The following TECRL variants were observed in gnomAD, a reference collection of about 807,000 sequenced individuals.
TECRL encodes trans-2,3-enoyl-CoA reductase like.
In TECRL, 63 loss-of-function variants were observed where a neutral mutation model predicts 52.8. The ratio of observed to expected loss-of-function variants is 1.19; its 90% CI spans 0.97 to 1.47. TECRL has a LOEUF of 1.47. Among genes scored for constraint, TECRL ranks in the 40% most tolerant of loss-of-function variants. The pLI, the probability that TECRL is intolerant of heterozygous loss-of-function variation, is 0.00. For missense variants in TECRL, 482 were observed against 429.6 expected (o/e 1.12, Z -1.08); for synonymous variants, 164 against 141.9 (o/e 1.16, Z -1.10).
chr4:64,406,205 C>T (rs1724717801), intron 1 of TECRL, among the ~76,000 whole-genome samples: 1 of 151,034 alleles, frequency 6.6e-6, no homozygotes, highest in South Asian at 2.1e-4. Flanking sequence ...AGTTAAAGAA[C>T]ATAATAAATA....
In TECRL at chr4:64,278,263, A is replaced by G. The variant is rs6816129; in HGVS notation, c.*1809T>C. 35,170 of 152,010 alleles carry G rather than the reference A, an allele frequency of 0.23. 4,332 individuals are homozygous for G. Among genetic ancestry groups the G allele is most frequent in the African/African-American group, 0.3 (12,263 of 41,468 alleles). The allele number at this position is 152,010 out of a possible 1,614,324, so 9.4% of individuals were successfully genotyped here. ...TACAATGTCTGTATTATTAACAAAT[A>G]AGTACACAACTAAATAAAAATGTTA... On this transcript the variant is annotated 3_prime_UTR_variant, in exon 12 of 12. Coordinates refer to ENST00000381210, the MANE Select transcript of TECRL (RefSeq NM_001010874.5).
intron 5 of TECRL, among the ~76,000 whole-genome samples, chr4:64,312,281 C>G (rs1055877721): frequency 2.6e-5 from 4 of 152,042 alleles, no homozygotes; most frequent in African/African-American, 9.7e-5. Context: ...GACAGAAGCC[C>G]TGTGATTATT....
chr4:64,404,300 G>A (rs185167578), intron 1 of TECRL, among the ~76,000 whole-genome samples: 21 of 149,998 alleles, frequency 1.4e-4, no homozygotes, highest in African/African-American at 5.1e-4. Flanking sequence ...AAAATAGAAT[G>A]AGATGATATT....
At chr4:64,399,826 G>C (rs11131534) in intron 1 of TECRL, among the ~76,000 whole-genome samples, 97,809 of 152,014 alleles carry the variant, frequency 0.64, 32,670 homozygotes, top group Non-Finnish European at 0.74. Context: ...AAGCCTGATG[G>C]AGGGGTGGAA....
At chr4:64,364,331 G>A (rs1161110764) in intron 2 of TECRL, among the ~76,000 whole-genome samples, 1 of 151,892 alleles carries the variant, frequency 6.6e-6, no homozygotes, top group African/African-American at 2.4e-5. Flanking sequence ...TATTAACAAC[G>A]TCACATCTAG....
intron 2 of TECRL, among the ~76,000 whole-genome samples, chr4:64,336,539 C>G (rs1719097230): frequency 6.6e-6 from 1 of 152,082 alleles, no homozygotes; most frequent in African/African-American, 2.4e-5. Flanking sequence ...TTATTTCTTG[C>G]CTTCTGCTAG....
chr4:64,405,174 G>A (rs1308582636), intron 1 of TECRL, among the ~76,000 whole-genome samples: 1 of 152,114 alleles, frequency 6.6e-6, no homozygotes, highest in African/African-American at 2.4e-5. Flanking sequence ...TCTCTTAGTA[G>A]TCAGGAAAAG....
At chr4:64,362,838 T>C (rs1721292328) in intron 2 of TECRL, among the ~76,000 whole-genome samples, 1 of 152,086 alleles carries the variant, frequency 6.6e-6, no homozygotes, top group Admixed American at 6.6e-5. Flanking sequence ...GATTATATCC[T>C]TAAATATCTA....
At chr4:64,298,620 T>C (rs926024181) in intron 8 of TECRL, among the ~76,000 whole-genome samples, 1 of 151,168 alleles carries the variant, frequency 6.6e-6, no homozygotes, top group Non-Finnish European at 1.5e-5. Flanking sequence ...AGCCATATTA[T>C]ATTTGAGAAA....
At chr4:64,377,670 T>C (rs1722498585) in intron 1 of TECRL, among the ~76,000 whole-genome samples, 1 of 152,106 alleles carries the variant, frequency 6.6e-6, no homozygotes, top group Admixed American at 6.6e-5. Flanking sequence ...AAATTTTAAC[T>C]GATTATAATT....
intron 6 of TECRL, among the ~76,000 whole-genome samples, chr4:64,308,993 G>A (rs997062398): frequency 6.6e-6 from 1 of 152,040 alleles, no homozygotes; most frequent in Non-Finnish European, 1.5e-5. Context: ...TTTGATAATT[G>A]GTAGTAACAC....
chr4:64,336,043 G>T (rs1481466102), intron 2 of TECRL, among the ~76,000 whole-genome samples: 1 of 152,086 alleles, frequency 6.6e-6, no homozygotes, highest in African/African-American at 2.4e-5. Context: ...AGTTAGGGAG[G>T]ATTCTCTCTT....
At chr4:64,349,134 C>CT (rs1720200388) in intron 2 of TECRL, among the ~76,000 whole-genome samples, 1 of 138,084 alleles carries the variant, frequency 7.2e-6, no homozygotes, top group African/African-American at 2.8e-5. Flanking sequence ...TTATAAAAAA[C>CT]GTTTTTTTTT....
Position 64,279,135 on chromosome 4 carries a change from T to C in TECRL, c.*937A>G, listed in dbSNP as rs1021923321. 1 of 152,176 alleles carries C rather than the reference T, an allele frequency of 6.6e-6. No homozygotes were observed. The highest frequency in any genetic ancestry group is 2.4e-5 in the African/African-American group (1 of 41,446). 9.4% of individuals were successfully genotyped at this position (152,176 alleles called of 1,614,324 possible). ...GTAATGGTATTGCTGGATCATATGATAGTTCTATTTGTAATTTTTGAAGAA... is the reference window on the plus strand; with the variant it reads ...GTAATGGTATTGCTGGATCATATGACAGTTCTATTTGTAATTTTTGAAGAA... On this transcript the variant is annotated 3_prime_UTR_variant, in exon 12 of 12. Transcript: ENST00000381210.
chr4:64,349,509 C>A (rs1417330178), intron 2 of TECRL, among the ~76,000 whole-genome samples: 1 of 152,070 alleles, frequency 6.6e-6, no homozygotes, highest in Non-Finnish European at 1.5e-5. Context: ...AGTTTGATTA[C>A]CCTGAGTGAA....
chr4:64,394,071 C>T (rs1461194276), intron 1 of TECRL, among the ~76,000 whole-genome samples: 8 of 152,076 alleles, frequency 5.3e-5, no homozygotes, highest in Non-Finnish European at 1.5e-5. Context: ...TTAACCAAGA[C>T]ATTCATTTCT....
In TECRL at chr4:64,364,544, C is replaced by T. The variant is rs141794478; in HGVS notation, c.286+10628G>A. On this transcript the variant is annotated intron_variant, in intron 2 of 11. Transcript: ENST00000381210. ...AATGAAGAACAAAAGAGAGAAGTTC[C>T]AAACAAACATGAGCAGAAATGATAT... is the stretch of plus-strand genomic sequence containing the variant. Among the ~76,000 whole-genome samples the T allele has an allele frequency of 2.0e-3, 308 of 151,632 alleles. 2 individuals carry two copies. The highest frequency in any genetic ancestry group is 7.0e-3 in the African/African-American group (290 of 41,418).
At chr4:64,346,792 G>A (rs1319238426) in intron 2 of TECRL, among the ~76,000 whole-genome samples, 1 of 152,322 alleles carries the variant, frequency 6.6e-6, no homozygotes, top group South Asian at 2.1e-4. Context: ...GAGTGGCCTG[G>A]TACTGCAGCA....
chr4:64,381,581 T>A (rs1386479420), intron 1 of TECRL, among the ~76,000 whole-genome samples: 3 of 151,922 alleles, frequency 2.0e-5, no homozygotes, highest in Non-Finnish European at 2.9e-5. Flanking sequence ...TGTTGAGAGG[T>A]TTCTTTTTTT....
Sources: allele counts gnomAD v4.1 joint callset (sites outside exome capture counted in the v4.1 genomes callset), GRCh38; gene constraint gnomAD v4.1.1; transcripts MANE v1.5; gene names NCBI Gene and HGNC (gene_info 2026-07-23, HGNC 2026-07-21).